Variants in PEAR1 observed in about 807,000 individuals in gnomAD.
PEAR1 encodes the protein platelet endothelial aggregation receptor 1.
A neutral mutation model predicts 131.2 loss-of-function variants in PEAR1; 113 were observed. The ratio of observed to expected loss-of-function variants is 0.86; its 90% CI spans 0.74 to 1.01. The LOEUF is 1.01. Among genes scored for constraint, PEAR1 ranks in the 50% least tolerant of loss-of-function variants. The pLI, the probability that PEAR1 is intolerant of heterozygous loss-of-function variation, is 0.00. For missense variants in PEAR1, 1,408 were observed against 1,391.1 expected, an observed-to-expected ratio of 1.01 and a Z score of -0.19; for synonymous variants, 565 against 523.3, an observed-to-expected ratio of 1.08 and a Z score of -1.09.
intron 1 of PEAR1, among the ~76,000 whole-genome samples, chr1:156,896,526 G>C (rs960239584): frequency 1.3e-5 from 2 of 152,244 alleles, no homozygotes; most frequent in Non-Finnish European, 2.9e-5. Context: ...GCGACAGCCT[G>C]CGGGAGGGGT....
intron 11 of PEAR1, 136 bp downstream of exon 11, chr1:156,909,172 G>A: frequency 8.5e-7 from 1 of 1,171,676 alleles, no homozygotes; most frequent in African/African-American, 1.5e-5. Context: ...CTGGACACAG[G>A]GAAAGTATCC....
Position 156,912,836 on chromosome 1 carries a change from T to C in PEAR1, c.2276T>C (p.Ile759Thr), listed in dbSNP as rs760277607. 5 of 1,614,228 alleles carry C rather than the reference T, an allele frequency of 3.1e-6. No individual in the cohort carries two copies. The South Asian group carries it at 3.3e-5, about 11-fold the overall frequency. The change falls in exon 18 of 23, where the codon ATT becomes ACT. Residue 759 changes from isoleucine to threonine, a missense_variant. By Grantham distance (89) the Ile-to-Thr change is moderately conservative. Coordinates refer to ENST00000292357, the MANE Select transcript of PEAR1 (RefSeq NM_001080471.3). ...GCGTATAACTCGCTGGGTGCAGTGATTGGCATTGCAGTGCTGGGGTCCCTT... is the reference window on the plus strand; with the variant it reads ...GCGTATAACTCGCTGGGTGCAGTGACTGGCATTGCAGTGCTGGGGTCCCTT... ...PVAYNSLGAV[I>T]GIAVLGSLVV...
rs1485462833 is a variant in PEAR1, at chr1:156,908,264, G to C, written c.1039G>C (p.Asp347His). The C allele has an allele frequency of 1.9e-6, 3 of 1,592,656 alleles. No individual in the cohort carries two copies. The East Asian group carries it at 6.8e-5, about 36-fold the overall frequency. ...CGGCTTCACTGGGGACCGCTGCACG[G>C]ATCGCCTCTGCCCCGACGGCTTCTA... Reference protein sequence around the residue: ...EHGFTGDRCTDRLCPDGFYGL... With the variant: ...EHGFTGDRCTHRLCPDGFYGL... The change falls in exon 9 of 23, where the codon GAT (aspartate) becomes CAT (histidine). Residue 347 changes from aspartate (D) to histidine (H), a missense_variant. Transcript: ENST00000292357. This position sits in a 1 kb window ranked among gnomAD's most constrained non-coding sequence, Gnocchi z 4.2.
intron 1 of PEAR1, among the ~76,000 whole-genome samples, chr1:156,895,915 T>A (rs928783266): frequency 1.3e-5 from 2 of 148,806 alleles, no homozygotes; most frequent in Non-Finnish European, 3.0e-5. Context: ...ATTGCATCCC[T>A]ACAATTTTTT....
chr1:156,911,053 C>CTTTTTTTT (rs1558143489), intron 15 of PEAR1, among the ~76,000 whole-genome samples: 1 of 110,308 alleles, frequency 9.1e-6, no homozygotes, highest in African/African-American at 5.4e-5. Flanking sequence ...TTCTTTCTTT[C>CTTTTTTTT]TTTCTTTCTT....
intron 16 of PEAR1, 52 bp downstream of exon 16, chr1:156,912,427 CA>C (rs770120837): frequency 1.2e-5 from 20 of 1,600,130 alleles, no homozygotes; most frequent in Admixed American, 1.1e-4. Flanking sequence ...AACCCTTACC[CA>C]AAAAAAGGAG....
At chr1:156,896,437 T>C (rs986749149) in intron 1 of PEAR1, among the ~76,000 whole-genome samples, 1 of 152,176 alleles carries the variant, frequency 6.6e-6, no homozygotes, top group African/African-American at 2.4e-5. Context: ...CCTGAGACCC[T>C]CCACTGTGCT....
At chr1:156,901,437 C>T (rs903555860) in intron 1 of PEAR1, among the ~76,000 whole-genome samples, 3 of 152,216 alleles carry the variant, frequency 2.0e-5, no homozygotes, top group Non-Finnish European at 2.9e-5. Context: ...GACCTTTTCT[C>T]GGCCCAACAA....
Position 156,912,250 on chromosome 1 carries a change from G to A in PEAR1, c.1955G>A (p.Cys652Tyr). The A allele has an allele frequency of 6.2e-7, 1 of 1,611,458 alleles. No homozygotes were observed. The highest frequency in any genetic ancestry group is 8.5e-7 in the Non-Finnish European group (1 of 1,179,002). The change falls in exon 16 of 23, where the codon TGC becomes TAC. Residue 652 changes from cysteine to tyrosine, a missense_variant. Physicochemically the swap from Cys to Tyr is radical, Grantham distance 194. Coordinates refer to ENST00000292357, the MANE Select transcript of PEAR1 (RefSeq NM_001080471.3). ...ACAGGCCCCATGTCTCCCGTAGCAT[G>A]CCCTCCAGGACACTGGGGAGAAAAC... ...GWTGPDCSQP[C>Y]PPGHWGENCA...
At chr1:156,895,521 C>T (rs1649080682) in intron 1 of PEAR1, among the ~76,000 whole-genome samples, 1 of 151,950 alleles carries the variant, frequency 6.6e-6, no homozygotes, top group Non-Finnish European at 1.5e-5. Context: ...AGGGGAGAAG[C>T]CAGAAGGAAG....
At chr1:156,909,166 A>G in intron 11 of PEAR1, 130 bp downstream of exon 11, 2 of 1,233,358 alleles carry the variant, frequency 1.6e-6, no homozygotes, top group Non-Finnish European at 1.1e-6. Flanking sequence ...CAGCAGCTGG[A>G]CACAGGGAAA....
rs1558152072 is a variant in PEAR1, at chr1:156,914,638, T to A, written c.2963-9T>A. On this transcript the variant is annotated splice_polypyrimidine_tract_variant and intron_variant, in intron 22 of 22. Transcript: ENST00000292357. ...GCCACTCCCTCTTATCTTGTCCTCA[T>A]GTTTCCAGACCGAGACTCTGTGGGC... 1 of 1,608,634 alleles carries A rather than the reference T, an allele frequency of 6.2e-7. No homozygotes were observed.
chr1:156,907,937 G>T lies in PEAR1; in HGVS notation c.788G>T (p.Cys263Phe). 1.3e-6 allele frequency: 2 copies of T among 1,590,534 alleles called. No homozygotes were observed. Among genetic ancestry groups the T allele is most frequent in the South Asian group, 1.1e-5 (1 of 88,582 alleles). ...CAGGGCACCATCTGCTCCCTGCCCTGCCCAGAGGGCTTTCACGGACCCAAC... is the reference window on the plus strand; with the variant it reads ...CAGGGCACCATCTGCTCCCTGCCCTTCCCAGAGGGCTTTCACGGACCCAAC... ...GWMGTICSLP[C>F]PEGFHGPNCS... The change falls in exon 8 of 23, where the codon TGC (cysteine) becomes TTC (phenylalanine). Residue 263 changes from cysteine to phenylalanine, a missense_variant. By Grantham distance (205) the Cys-to-Phe change is radical (BLOSUM62 -2). Transcript: ENST00000292357.
chr1:156,898,575 G>A (rs1040178779), intron 1 of PEAR1, among the ~76,000 whole-genome samples: 3 of 152,210 alleles, frequency 2.0e-5, no homozygotes, highest in African/African-American at 7.2e-5. Flanking sequence ...TAGGGAGGGA[G>A]GGGAGAAGTC....
rs1425440374 is a variant in PEAR1 at position 156,904,754 on chromosome 1, T to C, written c.108T>C (p.Thr36=). 5 of 1,611,088 alleles carry C rather than the reference T, an allele frequency of 3.1e-6. No homozygotes were observed. Among genetic ancestry groups the C allele is most frequent in the Non-Finnish European group, 4.2e-6 (5 of 1,178,936 alleles). ...PNTCSFWESF[T]TTTKESHSRP... is the part of the protein sequence containing the mutation. ...CCTGTTCCCTGTCTTGCAGCTTCAC[T>C]ACCACCACCAAGGAGTCCCACTCCC... The change falls in exon 3 of 23, where the codon ACT becomes ACC. Residue 36 remains threonine (T), a synonymous_variant. Transcript: ENST00000292357.
In PEAR1 at chr1:156,904,755, A is replaced by G; in HGVS notation, c.109A>G (p.Thr37Ala). 2 of 1,610,862 alleles carry G rather than the reference A, an allele frequency of 1.2e-6. No homozygotes were observed. The highest frequency in any genetic ancestry group is 2.2e-5 in the East Asian group (1 of 44,836). Residue 37 changes from threonine (T) to alanine (A), a missense_variant, in exon 3 of 23, where the codon ACC becomes GCC. By Grantham distance (58) the Thr-to-Ala change is moderately conservative. Transcript: ENST00000292357. ...CTGTTCCCTGTCTTGCAGCTTCACT[A>G]CCACCACCAAGGAGTCCCACTCCCG... ...NTCSFWESFT[T>A]TTKESHSRPF...
rs1651827514 is a variant in PEAR1, at chr1:156,915,979, A to T, written c.*1181A>T. 6.6e-6 allele frequency: 1 copy of T among 152,264 alleles called. No individual in the cohort carries two copies. Among genetic ancestry groups the T allele is most frequent in the African/African-American group, 2.4e-5 (1 of 41,452 alleles). 9.4% of individuals were successfully genotyped at this position (152,264 alleles called of 1,614,324 possible). A position where few individuals can be genotyped will look rare whatever the true frequency, so the allele number is the denominator to read the frequency against. On this transcript the variant is annotated 3_prime_UTR_variant, in exon 23 of 23. Transcript: ENST00000292357. ...AGGGTGGCATTTCCCCAGGGTAACAACGCAGAGCTCAGGTGTGGGAAGGTG... is the reference window on the plus strand; with the variant it reads ...AGGGTGGCATTTCCCCAGGGTAACATCGCAGAGCTCAGGTGTGGGAAGGTG...
Position 156,912,304 on chromosome 1 carries a change from G to T in PEAR1, c.2009G>T (p.Gly670Val), listed in dbSNP as rs200307802. 342 of 1,613,912 alleles carry T rather than the reference G, an allele frequency of 2.1e-4. No individual in the cohort carries two copies. Among genetic ancestry groups the T allele is most frequent in the Non-Finnish European group, 2.8e-4 (330 of 1,180,008 alleles). ...NCAQTCQCHH[G>V]GTCHPQDGSC... Reference sequence around the variant, plus strand: ...GCCCAGACCTGCCAATGTCACCATGGTGGGACCTGCCATCCCCAGGATGGG... The same window carrying T: ...GCCCAGACCTGCCAATGTCACCATGTTGGGACCTGCCATCCCCAGGATGGG... The change falls in exon 16 of 23, where the codon GGT (glycine) becomes GTT (valine). Residue 670 changes from glycine to valine, a missense_variant. Coordinates refer to ENST00000292357, the MANE Select transcript of PEAR1 (RefSeq NM_001080471.3).
In PEAR1 at chr1:156,912,344, C is replaced by T. The variant is rs761500762; in HGVS notation, c.2049C>T (p.Pro683=). ...CHPQDGSCIC[P]LGWTGHHCLE... ...CCCAGGATGGGAGCTGTATCTGCCC[C>T]CTAGGCTGGACTGGACACCACTGCT... The change falls in exon 16 of 23, where the codon CCC becomes CCT. Residue 683 remains proline, a synonymous_variant. Transcript: ENST00000292357. 3.7e-6 allele frequency: 6 copies of T among 1,613,876 alleles called. No homozygotes were observed. In the African/African-American group the frequency reaches 4.0e-5, roughly 11 times the overall value.
Sources: allele counts gnomAD v4.1 joint callset (sites outside exome capture counted in the v4.1 genomes callset), GRCh38; gene constraint gnomAD v4.1.1; non-coding constraint Gnocchi (gnomAD v3.1); transcripts MANE v1.5; gene names NCBI Gene and HGNC (gene_info 2026-07-23, HGNC 2026-07-21).